The following ETF1 variants were observed in gnomAD, a reference collection of about 807,000 sequenced individuals.
The protein encoded by ETF1 is eukaryotic peptide chain release factor subunit 1.
In ETF1, 4 loss-of-function variants were observed where a neutral mutation model predicts 55.1. The ratio of observed to expected loss-of-function variants is 0.07; its 90% CI spans 0.04 to 0.17. ETF1 has a LOEUF of 0.17. ETF1 is among the 10% of genes least tolerant of loss of function. ETF1 has a pLI of 1.00. For missense variants in ETF1, 142 were observed against 523.6 expected (o/e 0.27, Z 7.11); for synonymous variants, 157 against 182.3 (o/e 0.86, Z 1.12).
chr5:138,525,671 C>T (rs1053567944), intron 2 of ETF1, among the ~76,000 whole-genome samples: 4 of 151,986 alleles, frequency 2.6e-5, no homozygotes, highest in African/African-American at 4.8e-5. Context: ...CCTGGCCAGG[C>T]GCGGTAGCTC....
intron 2 of ETF1, among the ~76,000 whole-genome samples, chr5:138,528,146 G>A (rs530175208): frequency 6.6e-6 from 1 of 152,302 alleles, no homozygotes; most frequent in African/African-American, 2.4e-5. Flanking sequence ...AGTTTCCTAA[G>A]ATGCAGTCGG....
At chr5:138,516,115 C>A (rs1193813914) in intron 4 of ETF1, among the ~76,000 whole-genome samples, 1 of 152,148 alleles carries the variant, frequency 6.6e-6, no homozygotes, top group African/African-American at 2.4e-5. Flanking sequence ...CCTATGGCAG[C>A]TTTGTCACTC....
In ETF1 at chr5:138,525,712, G is replaced by A. The variant is rs530161629; in HGVS notation, c.87-6845C>T. 1.7e-3 allele frequency among the ~76,000 whole-genome samples: 252 copies of A among 152,014 alleles called. 1 individual carries two copies. The highest frequency in any genetic ancestry group is 3.4e-3 in the Middle Eastern group (1 of 294). ...TGTAATCCCAGCACTGTGGGAGGCC[G>A]AGGCGGGTGGATCACCTGAGGTCAG... On this transcript the variant is annotated intron_variant, in intron 2 of 10. Coordinates refer to ENST00000360541, the MANE Select transcript of ETF1 (RefSeq NM_004730.4).
rs747982310 is a variant in ETF1 at position 138,511,389 on chromosome 5, T to TACACAC, written c.862+80_862+85dup. On this transcript the variant is annotated intron_variant, in intron 7 of 10. Transcript: ENST00000360541. ...TGTCTCATACATACAATCACGTACA[T>TACACAC]ACACACACACACATACACACACACA... 8.0e-5 allele frequency: 113 copies of TACACAC among 1,412,150 alleles called. No individual in the cohort carries two copies. The African/African-American group carries it at 1.7e-3, about 22-fold the overall frequency. The allele number at this position is 1,412,150 out of a possible 1,614,324, so 87.5% of individuals were successfully genotyped here.
chr5:138,510,286 A>C (rs1269841593), intron 9 of ETF1, among the ~76,000 whole-genome samples: 1 of 131,682 alleles, frequency 7.6e-6, no homozygotes, highest in East Asian at 2.6e-4. Flanking sequence ...TGAGCCCAGG[A>C]GGTGGAGGTT....
chr5:138,537,986 AG>A (rs1766013959), intron 2 of ETF1, among the ~76,000 whole-genome samples: 1 of 122,788 alleles, frequency 8.1e-6, no homozygotes, highest in African/African-American at 3.4e-5. Flanking sequence ...TCCACCTCCC[AG>A]GTTCAAGCGA....
At chr5:138,519,290 A>T in intron 2 of ETF1, 1 of 588,532 alleles carries the variant, frequency 1.7e-6, no homozygotes, top group Non-Finnish European at 2.1e-6. Context: ...AAGTCTAGGC[A>T]TATTTGTAAT....
chr5:138,516,395 G>A (rs1765019849), intron 4 of ETF1, among the ~76,000 whole-genome samples: 1 of 150,500 alleles, frequency 6.6e-6, no homozygotes, highest in Admixed American at 6.6e-5. Flanking sequence ...CACACACTTT[G>A]GGAGGCTGAA....
chr5:138,534,918 A>AG (rs374623511), intron 2 of ETF1, among the ~76,000 whole-genome samples: 3,075 of 106,554 alleles, frequency 0.029, 71 homozygotes, highest in African/African-American at 0.06. Flanking sequence ...TAAGGTTATA[A>AG]GGGGGGGGGT....
intron 2 of ETF1, among the ~76,000 whole-genome samples, chr5:138,541,863 C>T (rs546639095): frequency 2.0e-4 from 27 of 136,574 alleles, no homozygotes; most frequent in African/African-American, 8.0e-4. Flanking sequence ...GGCACACCTT[C>T]CTCAAACGAA....
intron 2 of ETF1, among the ~76,000 whole-genome samples, chr5:138,524,178 G>C (rs1765357681): frequency 6.7e-6 from 1 of 148,258 alleles, no homozygotes. Context: ...GTGACAGAGT[G>C]AGACTCTGTC....
At position 138,527,027 on chromosome 5, in the gene ETF1, T is replaced by C. The variant is rs886808063; in HGVS notation, c.87-8160A>G. ...CTAATTTTTGTATTTTTAGTAGAGATGTGGTTTCACCATGTTGGTCGGGCT... is the reference window on the plus strand; with the variant it reads ...CTAATTTTTGTATTTTTAGTAGAGACGTGGTTTCACCATGTTGGTCGGGCT... On this transcript the variant is annotated intron_variant, in intron 2 of 10. Transcript: ENST00000360541. 3.3e-5 allele frequency among the ~76,000 whole-genome samples: 5 copies of C among 152,254 alleles called. No homozygotes were observed. In the East Asian group the frequency reaches 9.6e-4, roughly 29 times the overall value.
chr5:138,542,941 A>G lies in ETF1; in HGVS notation c.-18-5T>C, dbSNP rs745353509. 6.2e-7 allele frequency: 1 copy of G among 1,612,680 alleles called. No individual in the cohort carries two copies. Among genetic ancestry groups the G allele is most frequent in the Non-Finnish European group, 8.5e-7 (1 of 1,179,584 alleles). ...CATCTTCTCGCCTCCTCCTCCCTAG[A>G]GCGGCCCGGCGGGGCCCGGAGACAC... On this transcript the variant is annotated splice_region_variant and splice_polypyrimidine_tract_variant and intron_variant, in intron 1 of 10. Transcript: ENST00000360541.
chr5:138,517,977 G>A (rs1335718850), intron 3 of ETF1: 6 of 661,814 alleles, frequency 9.1e-6, no homozygotes, highest in East Asian at 1.4e-4. Context: ...CGAGGTAGGC[G>A]GATCACCTGA....
At chr5:138,510,869 G>A (rs1015005251) in intron 8 of ETF1, 176 bp downstream of exon 8, 10 of 884,940 alleles carry the variant, frequency 1.1e-5, no homozygotes, top group East Asian at 1.2e-4. Flanking sequence ...TTAAGCAGAC[G>A]TTAAACAGTT....
At chr5:138,542,538 G>C (rs1462481297) in intron 2 of ETF1, 1 of 1,058,616 alleles carries the variant, frequency 9.4e-7, no homozygotes, top group Non-Finnish European at 1.3e-6. Context: ...GAAGAGGGAG[G>C]ACCTGGACTT....
At chr5:138,531,611 G>A (rs1357194662) in intron 2 of ETF1, among the ~76,000 whole-genome samples, 3 of 152,166 alleles carry the variant, frequency 2.0e-5, no homozygotes, top group Non-Finnish European at 1.5e-5. Flanking sequence ...CTCCCTAACC[G>A]GGATGTACAG....
intron 8 of ETF1, 139 bp downstream of exon 8, chr5:138,510,906 T>C (rs1484451546): frequency 2.7e-6 from 4 of 1,465,178 alleles, no homozygotes. Context: ...TGCAGGAATG[T>C]GCTACAGACT....
At chr5:138,542,494 T>C (rs1222004325) in intron 2 of ETF1, 2 of 525,538 alleles carry the variant, frequency 3.8e-6, no homozygotes, top group South Asian at 2.6e-5. Flanking sequence ...TTTGCCACAA[T>C]AGCACCCGAG....
Sources: gnomAD v4.1 joint callset for allele counts (sites outside exome capture counted in the v4.1 genomes callset) on GRCh38, gnomAD v4.1.1 for gene constraint, MANE v1.5 for transcripts, NCBI Gene and HGNC (gene_info 2026-07-23, HGNC 2026-07-21) for gene names.